The following BPTF variants were observed in gnomAD, a reference collection of about 807,000 sequenced individuals.
The protein encoded by BPTF is nucleosome-remodeling factor subunit BPTF.
A neutral mutation model predicts 292.5 loss-of-function variants in BPTF; 18 were observed. The observed-to-expected ratio is 0.06, with a 90% confidence interval of 0.04 to 0.09. The LOEUF (loss-of-function observed/expected upper bound fraction) is 0.09. BPTF is among the 10% of genes least tolerant of loss of function. The pLI is 1.00. For missense variants in BPTF, 2,726 were observed against 3,498.7 expected (o/e 0.78, Z 5.57); for synonymous variants, 1,225 against 1,251.9 (o/e 0.98, Z 0.45).
intron 26 of BPTF, 88 bp downstream of exon 26, chr17:67,966,744 G>T: frequency 8.5e-7 from 1 of 1,175,398 alleles, no homozygotes; most frequent in East Asian, 2.8e-5. Flanking sequence ...AATATTTTTA[G>T]CAAGGCTGGT....
chr17:67,866,786 T>A, intron 3 of BPTF, 99 bp downstream of exon 3: 1 of 896,842 alleles, frequency 1.1e-6, no homozygotes, highest in Non-Finnish European at 1.7e-6. Flanking sequence ...AATTTTCAAG[T>A]ACAGTCGTGC....
chr17:67,858,770 CAT>C (rs756656069), intron 2 of BPTF, among the ~76,000 whole-genome samples: 2 of 152,134 alleles, frequency 1.3e-5, no homozygotes, highest in Non-Finnish European at 2.9e-5. Context: ...AAATTTAGTC[CAT>C]GCTCCAATTC....
At chr17:67,922,337 C>A (rs2063510267) in intron 13 of BPTF, among the ~76,000 whole-genome samples, 2 of 152,162 alleles carry the variant, frequency 1.3e-5, no homozygotes, top group African/African-American at 4.8e-5. Context: ...TTTATCTATT[C>A]TTAGGTTTCA....
At chr17:67,843,183 T>C (rs894384142) in intron 1 of BPTF, among the ~76,000 whole-genome samples, 2 of 129,782 alleles carry the variant, frequency 1.5e-5, no homozygotes, top group African/African-American at 5.1e-5. Flanking sequence ...CATATAGATA[T>C]CTACATACAT....
chr17:67,876,382 G>T (rs917886344), intron 4 of BPTF, among the ~76,000 whole-genome samples: 1 of 152,216 alleles, frequency 6.6e-6, no homozygotes, highest in Non-Finnish European at 1.5e-5. Flanking sequence ...GGTCAGCAGT[G>T]AGCTGTGTTG....
At chr17:67,967,642 G>A (rs1227895309) in intron 26 of BPTF, among the ~76,000 whole-genome samples, 1 of 151,844 alleles carries the variant, frequency 6.6e-6, no homozygotes, top group East Asian at 1.9e-4. Context: ...CCAACATGGC[G>A]AAATACGTCT....
chr17:67,903,758 T>C (rs898162009), intron 7 of BPTF, 31 bp from the exon 8 acceptor site: 4 of 1,501,776 alleles, frequency 2.7e-6, no homozygotes, highest in Non-Finnish European at 3.5e-6. Flanking sequence ...TTTTCCAAGT[T>C]AACATTGTCT....
chr17:67,953,346 C>T (rs528667728), intron 23 of BPTF, among the ~76,000 whole-genome samples: 1 of 151,602 alleles, frequency 6.6e-6, no homozygotes, highest in East Asian at 1.9e-4. Context: ...ACCTCCTCCT[C>T]CCAGTTTCAA....
chr17:67,924,480 C>T, intron 14 of BPTF, 67 bp from the exon 15 acceptor site: 1 of 1,460,554 alleles, frequency 6.8e-7, no homozygotes, highest in Non-Finnish European at 9.5e-7. Flanking sequence ...AACCAGATTT[C>T]ACTCTTATTA....
In BPTF at chr17:67,983,065, T is replaced by C. The variant is rs2070591070; in HGVS notation, c.*777T>C. On this transcript the variant is annotated 3_prime_UTR_variant, in exon 28 of 28. Transcript: ENST00000306378. ...TTGAAGGTATCTTGTTTGTAAACAT[T>C]TGTCAGATTCTAATTTTTTTCTTTT... 6.6e-6 allele frequency: 1 copy of C among 152,346 alleles called. No individual in the cohort carries two copies. The highest frequency in any genetic ancestry group is 2.4e-5 in the African/African-American group (1 of 41,458). 9.4% of individuals were successfully genotyped at this position (152,346 alleles called of 1,614,324 possible).
At chr17:67,955,432 C>A (rs2066837492) in intron 23 of BPTF, 1 of 80,974 alleles carries the variant, frequency 1.2e-5, no homozygotes, top group Non-Finnish European at 2.9e-5. Context: ...TAGGCAAATC[C>A]TTGAAATTTT....
chr17:67,950,281 G>A (rs1420245829), intron 23 of BPTF, among the ~76,000 whole-genome samples: 1 of 150,680 alleles, frequency 6.6e-6, no homozygotes, highest in East Asian at 2.0e-4. Flanking sequence ...GCCAAAAAAA[G>A]AAGATGAGAA....
intron 26 of BPTF, among the ~76,000 whole-genome samples, chr17:67,968,433 T>A (rs1220187530): frequency 6.6e-6 from 1 of 151,578 alleles, no homozygotes; most frequent in African/African-American, 2.4e-5. Context: ...ACTAAAATAA[T>A]AAGTTAATTA....
At chr17:67,952,559 A>C (rs2066479263) in intron 23 of BPTF, among the ~76,000 whole-genome samples, 1 of 152,084 alleles carries the variant, frequency 6.6e-6, no homozygotes, top group African/African-American at 2.4e-5. Context: ...CACCACGCCC[A>C]GCCAATAGGC....
chr17:67,944,498 T>A, intron 20 of BPTF, 126 bp downstream of exon 20: 1 of 1,040,986 alleles, frequency 9.6e-7, no homozygotes, highest in Non-Finnish European at 1.4e-6. Context: ...ACCTCAACAG[T>A]TGACATAGTC....
At chr17:67,828,471 A>G (rs950193823) in intron 1 of BPTF, among the ~76,000 whole-genome samples, 1 of 152,190 alleles carries the variant, frequency 6.6e-6, no homozygotes, top group Non-Finnish European at 1.5e-5. Context: ...TTAAATTACA[A>G]TTTGTAGCTA....
chr17:67,923,136 AC>A, intron 14 of BPTF, 146 bp downstream of exon 14: 2 of 902,796 alleles, frequency 2.2e-6, no homozygotes, highest in East Asian at 2.9e-5. Flanking sequence ...GCTCACTGCA[AC>A]CTCTGCCTCC....
At chr17:67,839,326 G>GT (rs1056669394) in intron 1 of BPTF, among the ~76,000 whole-genome samples, 32 of 150,648 alleles carry the variant, frequency 2.1e-4, no homozygotes, top group East Asian at 1.6e-3. Context: ...TTTTTCCTAA[G>GT]TTTTTTTTTA....
At position 67,909,665 on chromosome 17, in the gene BPTF, G is replaced by T; in HGVS notation, c.2896G>T (p.Asp966Tyr). 1 of 1,606,058 alleles carries T rather than the reference G, an allele frequency of 6.2e-7. No individual in the cohort carries two copies. The highest frequency in any genetic ancestry group is 1.1e-5 in the South Asian group (1 of 88,396). Residue 966 changes from aspartate (D) to tyrosine (Y), a missense_variant, in exon 10 of 28, where the codon GAT becomes TAT. By Grantham distance (160) the Asp-to-Tyr change is radical. Coordinates refer to ENST00000306378, the MANE Select transcript of BPTF (RefSeq NM_182641.4). The stretch of plus-strand genomic sequence containing the variant: ...TCCAAAAAAAATAAAAATAGAGCCT[G>T]ATTCTGAAAAAGATGAGGTAAAAGG... ...RSPKKIKIEP[D>Y]SEKDEVKGSD...
Sources: gnomAD v4.1 joint callset for allele counts (sites outside exome capture counted in the v4.1 genomes callset) on GRCh38, gnomAD v4.1.1 for gene constraint, MANE v1.5 for transcripts, NCBI Gene and HGNC (gene_info 2026-07-23, HGNC 2026-07-21) for gene names.